Variants in ROBO1 observed in about 807,000 individuals in gnomAD.
ROBO1 encodes roundabout guidance receptor 1, also known as roundabout homolog 1.
Under a neutral mutation model 195.9 loss-of-function variants are expected in ROBO1, and 149 were observed. The ratio of observed to expected loss-of-function variants is 0.76; its 90% CI spans 0.67 to 0.87. ROBO1 has a LOEUF of 0.87. ROBO1 is among the 40% of genes least tolerant of loss of function. ROBO1 has a pLI of 0.00. For synonymous variants in ROBO1, 816 were observed against 733.2 expected, an observed-to-expected ratio of 1.11 and a Z score of -1.82; for missense variants, 1,933 against 2,068.3, an observed-to-expected ratio of 0.93 and a Z score of 1.27.
intron 3 of ROBO1, chr3:79,018,588 A>C: frequency 3.3e-6 from 5 of 1,498,980 alleles, no homozygotes; most frequent in Non-Finnish European, 4.5e-6. Flanking sequence ...CAATTAGCCA[A>C]GAGTTTTCAG....
intron 3 of ROBO1, among the ~76,000 whole-genome samples, chr3:79,121,368 A>C (rs542378985): frequency 3.7e-4 from 56 of 152,252 alleles, no homozygotes; most frequent in Admixed American, 1.4e-3. Context: ...AGACAAAACA[A>C]GGTTTTGGGA....
intron 2 of ROBO1, among the ~76,000 whole-genome samples, chr3:79,416,233 G>T (rs1397622296): frequency 6.6e-6 from 1 of 151,960 alleles, no homozygotes; most frequent in African/African-American, 2.4e-5. Context: ...ACTAGTTAAG[G>T]GCTATTGCAG....
At chr3:79,406,409 TG>T (rs140159104) in intron 2 of ROBO1, among the ~76,000 whole-genome samples, 10,032 of 151,746 alleles carry the variant, frequency 0.066, 400 homozygotes, top group East Asian at 0.14. Context: ...CCAGACTGGG[TG>T]GCAGAGAGAG....
chr3:79,756,699 C>T (rs931314401), intron 1 of ROBO1, among the ~76,000 whole-genome samples: 2 of 151,940 alleles, frequency 1.3e-5, no homozygotes, highest in African/African-American at 4.8e-5. Flanking sequence ...GTGTTTAACT[C>T]AGTAGTATTA....
At chr3:79,418,700 A>T (rs1211881623) in intron 2 of ROBO1, among the ~76,000 whole-genome samples, 1 of 152,178 alleles carries the variant, frequency 6.6e-6, no homozygotes, top group Non-Finnish European at 1.5e-5. Flanking sequence ...AGATACATAC[A>T]TAGACGGATA....
intron 3 of ROBO1, among the ~76,000 whole-genome samples, chr3:79,040,281 A>G (rs1215398886): frequency 6.6e-6 from 1 of 152,170 alleles, no homozygotes; most frequent in East Asian, 1.9e-4. Context: ...AATAGTTCAA[A>G]ATGTGCTTTG....
intron 3 of ROBO1, among the ~76,000 whole-genome samples, chr3:79,083,043 G>A (rs1354714768): frequency 6.6e-6 from 1 of 152,038 alleles, no homozygotes; most frequent in Non-Finnish European, 1.5e-5. Flanking sequence ...ATATTTATTT[G>A]TAAATTAGCA....
chr3:78,855,444 G>C (rs1433205685), intron 4 of ROBO1, among the ~76,000 whole-genome samples: 2 of 152,112 alleles, frequency 1.3e-5, no homozygotes, highest in East Asian at 3.8e-4. Flanking sequence ...ATTCACCAAG[G>C]CAAGTTCACC....
intron 2 of ROBO1, among the ~76,000 whole-genome samples, chr3:79,431,137 T>C (rs1303873963): frequency 1.3e-5 from 2 of 152,114 alleles, no homozygotes; most frequent in Non-Finnish European, 2.9e-5. Context: ...ACTGCATATG[T>C]CAGTGTCTTG....
chr3:78,948,008 C>A (rs142642705), intron 3 of ROBO1, among the ~76,000 whole-genome samples: 2,828 of 152,166 alleles, frequency 0.019, 86 homozygotes, highest in African/African-American at 0.062. Flanking sequence ...CAATAACAGG[C>A]TCTGAAATTG....
At chr3:79,368,485 G>C (rs1422099555) in intron 2 of ROBO1, among the ~76,000 whole-genome samples, 2 of 152,038 alleles carry the variant, frequency 1.3e-5, no homozygotes, top group Non-Finnish European at 2.9e-5. Context: ...CAGCCCAAGG[G>C]GTGGTGAGGA....
At chr3:78,984,390 G>A (rs377272804) in intron 3 of ROBO1, among the ~76,000 whole-genome samples, 4 of 152,128 alleles carry the variant, frequency 2.6e-5, no homozygotes, top group Admixed American at 2.6e-4. Context: ...TGATTCAGAA[G>A]GTAGATGAAG....
intron 4 of ROBO1, among the ~76,000 whole-genome samples, chr3:78,788,440 T>TTTAA (rs1553728992): frequency 4.0e-5 from 3 of 75,762 alleles, no homozygotes; most frequent in Non-Finnish European, 7.4e-5. Flanking sequence ...TTTTTTTTTT[T>TTTAA]AAAAAAAAAA....
chr3:79,460,467 A>G (rs1347489854), intron 2 of ROBO1, among the ~76,000 whole-genome samples: 1 of 152,248 alleles, frequency 6.6e-6, no homozygotes. Context: ...AAGTGCTTAT[A>G]CAAAGAAAAT....
intron 2 of ROBO1, among the ~76,000 whole-genome samples, chr3:79,299,255 C>T (rs529225895): frequency 3.3e-5 from 5 of 152,074 alleles, no homozygotes. Context: ...GAGAAAAGAG[C>T]ATGAGCTTTG....
At chr3:79,556,110 T>C (rs528120090) in intron 2 of ROBO1, among the ~76,000 whole-genome samples, 2 of 152,266 alleles carry the variant, frequency 1.3e-5, no homozygotes, top group South Asian at 4.1e-4. Flanking sequence ...TTTAGTAAAC[T>C]ATACCTTTAA....
At position 79,488,646 on chromosome 3, in the gene ROBO1, A is replaced by C. The variant is rs558612569; in HGVS notation, c.88+101178T>G. Among the ~76,000 whole-genome samples, 24 of 152,302 alleles carry C rather than the reference A, an allele frequency of 1.6e-4. No homozygotes were observed. In the South Asian group the frequency reaches 5.0e-3, roughly 32 times the overall value. On this transcript the variant is annotated intron_variant, in intron 2 of 30. Transcript: ENST00000464233. ...AGCATTATACCATACAATATTTTCAAACTCATTAGGAAAATTGACATCTTT... is the reference window on the plus strand; with the variant it reads ...AGCATTATACCATACAATATTTTCACACTCATTAGGAAAATTGACATCTTT...
intron 2 of ROBO1, among the ~76,000 whole-genome samples, chr3:79,546,868 A>C (rs934897765): frequency 3.9e-5 from 6 of 152,126 alleles, no homozygotes; most frequent in African/African-American, 1.2e-4. Flanking sequence ...ATCTTGCAAG[A>C]TTTTACTACA....
intron 2 of ROBO1, among the ~76,000 whole-genome samples, chr3:79,499,392 C>G (rs1939932348): frequency 6.6e-6 from 1 of 152,194 alleles, no homozygotes; most frequent in African/African-American, 2.4e-5. Flanking sequence ...ATGCTAAATA[C>G]ATCTGTAAAG....
Sources: allele counts gnomAD v4.1 joint callset (sites outside exome capture counted in the v4.1 genomes callset), GRCh38; gene constraint gnomAD v4.1.1; transcripts MANE v1.5; gene names NCBI Gene and HGNC (gene_info 2026-07-23, HGNC 2026-07-21).